The following EPHA6 variants were observed in gnomAD, a reference collection of about 807,000 sequenced individuals.
The protein encoded by EPHA6 is EPH receptor A6.
A neutral mutation model predicts 112.0 loss-of-function variants in EPHA6; 50 were observed. The observed-to-expected ratio is 0.45, with a 90% CI of 0.36 to 0.56. EPHA6 has a LOEUF of 0.56. EPHA6 is among the 20% of genes least tolerant of loss of function. EPHA6 has a pLI of 0.00. For synonymous variants in EPHA6, 529 were observed against 490.7 expected (o/e 1.08, Z -1.03); for missense variants, 1,280 against 1,417.4 (o/e 0.90, Z 1.56).
At chr3:96,850,190 A>C (rs62262938) in intron 1 of EPHA6, among the ~76,000 whole-genome samples, 4,728 of 152,190 alleles carry the variant, frequency 0.031, 104 homozygotes, top group Middle Eastern at 0.068. Context: ...ACTTTAGTGC[A>C]GGGGACATTA....
rs2045261960 is a variant in EPHA6, at chr3:97,040,127, G to A, written c.1114+52134G>A. On this transcript the variant is annotated intron_variant, in intron 3 of 17. Coordinates refer to ENST00000389672, the MANE Select transcript of EPHA6 (RefSeq NM_001080448.3). ...ATAATGATTAATTATAATAATGATAGTAATTTTGCTATTTATTACAAATAC... is the reference window on the plus strand; with the variant it reads ...ATAATGATTAATTATAATAATGATAATAATTTTGCTATTTATTACAAATAC... Among the ~76,000 whole-genome samples the A allele has an allele frequency of 2.6e-5, 4 of 151,220 alleles. No individual in the cohort carries two copies. In the South Asian group the frequency reaches 8.3e-4, roughly 31 times the overall value.
intron 5 of EPHA6, among the ~76,000 whole-genome samples, chr3:97,360,141 A>T (rs927996327): frequency 6.6e-6 from 1 of 152,168 alleles, no homozygotes; most frequent in Non-Finnish European, 1.5e-5. Flanking sequence ...GGCTCCCACA[A>T]GCTGTGTGCA....
At chr3:97,478,558 TGAAGA>T (rs1230181638) in intron 8 of EPHA6, among the ~76,000 whole-genome samples, 1 of 151,598 alleles carries the variant, frequency 6.6e-6, no homozygotes, top group African/African-American at 2.4e-5. Flanking sequence ...TTCCATGCAA[TGAAGA>T]GAACAATTTC....
intron 3 of EPHA6, among the ~76,000 whole-genome samples, chr3:97,198,166 G>A (rs2108492235): frequency 6.6e-6 from 1 of 152,202 alleles, no homozygotes; most frequent in Admixed American, 6.6e-5. Context: ...CTCCAAAGAT[G>A]TTTTCTTGTG....
intron 3 of EPHA6, among the ~76,000 whole-genome samples, chr3:97,198,251 C>T (rs9853799): frequency 0.13 from 20,130 of 152,062 alleles, 3,022 homozygotes; most frequent in African/African-American, 0.34. Flanking sequence ...TCTTGCTCTG[C>T]CTGCTCACCA....
intron 2 of EPHA6, among the ~76,000 whole-genome samples, chr3:96,986,071 A>G (rs1490541866): frequency 2.0e-5 from 3 of 152,218 alleles, no homozygotes; most frequent in African/African-American, 7.2e-5. Context: ...CAAAAATGCC[A>G]TAAGGTTACC....
chr3:97,134,048 A>G (rs1354210511), intron 3 of EPHA6, among the ~76,000 whole-genome samples: 2 of 152,170 alleles, frequency 1.3e-5, no homozygotes, highest in South Asian at 4.1e-4. Flanking sequence ...TTTAAAAAAA[A>G]GAGCCTACAT....
At chr3:97,597,960 T>C (rs969327353) in intron 12 of EPHA6, among the ~76,000 whole-genome samples, 5 of 152,054 alleles carry the variant, frequency 3.3e-5, no homozygotes, top group Non-Finnish European at 5.9e-5. Flanking sequence ...TTTGGAGAAA[T>C]GTACACTAAG....
In EPHA6 at chr3:97,724,636, G is replaced by A. The variant is rs191542811; in HGVS notation, c.2934+4226G>A. Among the ~76,000 whole-genome samples, 311 of 152,052 alleles carry A rather than the reference G, an allele frequency of 2.0e-3. 1 individual carries two copies. Among genetic ancestry groups the A allele is most frequent in the Non-Finnish European group, 3.1e-3 (212 of 67,958 alleles). ...GAAAAAATTAGCTGGGTGTGGTGGC[G>A]CACACCTACAGTCACAGTTACTCAG... is the stretch of plus-strand genomic sequence containing the variant. On this transcript the variant is annotated intron_variant, in intron 15 of 17. Transcript: ENST00000389672.
At chr3:97,677,703 A>C (rs2031515906) in intron 14 of EPHA6, among the ~76,000 whole-genome samples, 1 of 149,926 alleles carries the variant, frequency 6.7e-6, no homozygotes, top group Non-Finnish European at 1.5e-5. Context: ...CCTGGACAAC[A>C]AGAACGAAAC....
intron 2 of EPHA6, among the ~76,000 whole-genome samples, chr3:96,898,845 C>T (rs1422295301): frequency 6.6e-6 from 1 of 151,456 alleles, no homozygotes; most frequent in Non-Finnish European, 1.5e-5. Flanking sequence ...CTGGCTAACA[C>T]GGTGAAACCC....
intron 2 of EPHA6, among the ~76,000 whole-genome samples, chr3:96,952,447 T>C (rs1201375616): frequency 6.6e-6 from 1 of 152,190 alleles, no homozygotes; most frequent in African/African-American, 2.4e-5. Flanking sequence ...GAGTTAGTTC[T>C]TGTGAGAGTA....
chr3:97,071,967 G>A (rs1024921769), intron 3 of EPHA6, among the ~76,000 whole-genome samples: 1 of 151,886 alleles, frequency 6.6e-6, no homozygotes, highest in Non-Finnish European at 1.5e-5. Flanking sequence ...AGAATATATG[G>A]TGTTTGGTTT....
At chr3:96,981,032 T>C (rs537641670) in intron 2 of EPHA6, among the ~76,000 whole-genome samples, 1 of 152,214 alleles carries the variant, frequency 6.6e-6, no homozygotes, top group Non-Finnish European at 1.5e-5. Context: ...CCTAATTGAA[T>C]ACCCTTTATT....
intron 3 of EPHA6, among the ~76,000 whole-genome samples, chr3:97,068,614 A>C (rs2046254577): frequency 6.6e-6 from 1 of 151,584 alleles, no homozygotes; most frequent in Non-Finnish European, 1.5e-5. Context: ...ACATGTACAC[A>C]CTCACACACA....
chr3:96,981,439 A>G (rs754809499), intron 2 of EPHA6, among the ~76,000 whole-genome samples: 11 of 151,984 alleles, frequency 7.2e-5, no homozygotes, highest in Non-Finnish European at 1.2e-4. Flanking sequence ...ATGTGCTGCT[A>G]GATTTGTTTT....
chr3:96,973,712 G>T (rs1471396757), intron 2 of EPHA6, among the ~76,000 whole-genome samples: 4 of 150,686 alleles, frequency 2.7e-5, no homozygotes, highest in Non-Finnish European at 5.9e-5. Context: ...TGTAATCCCA[G>T]CTACTTGGGA....
intron 14 of EPHA6, among the ~76,000 whole-genome samples, chr3:97,674,880 G>A (rs1444711326): frequency 2.6e-5 from 4 of 152,048 alleles, no homozygotes; most frequent in East Asian, 3.9e-4. Flanking sequence ...TTACTTCATC[G>A]GGAATTCTCA....
intron 14 of EPHA6, among the ~76,000 whole-genome samples, chr3:97,703,739 A>C (rs1409295447): frequency 2.6e-5 from 4 of 152,184 alleles, no homozygotes; most frequent in Non-Finnish European, 4.4e-5. Flanking sequence ...TGATTCCTTG[A>C]ATTGGTTCAG....
Sources: allele counts gnomAD v4.1 joint callset (sites outside exome capture counted in the v4.1 genomes callset), GRCh38; gene constraint gnomAD v4.1.1; transcripts MANE v1.5; gene names NCBI Gene and HGNC (gene_info 2026-07-23, HGNC 2026-07-21).